The following FBXW11 variants were observed in gnomAD, a reference collection of about 807,000 sequenced individuals.
The protein encoded by FBXW11 is F-box and WD repeat domain containing 11.
A neutral mutation model predicts 77.6 loss-of-function variants in FBXW11; 19 were observed. The observed-to-expected ratio is 0.24, with a 90% CI of 0.17 to 0.36. The LOEUF is 0.36. Ranked by LOEUF, FBXW11 falls within the 10% of genes least tolerant of loss-of-function variation. The probability of loss-of-function intolerance (pLI) is 1.00; values close to 1 mark genes in which losing one functional copy is unlikely to be tolerated. For synonymous variants in FBXW11, 235 were observed against 249.4 expected (o/e 0.94, Z 0.54); for missense variants, 334 against 704.2 (o/e 0.47, Z 5.95).
intron 7 of FBXW11, among the ~76,000 whole-genome samples, chr5:171,886,586 A>G (rs1758901252): frequency 6.6e-6 from 1 of 151,640 alleles, no homozygotes; most frequent in East Asian, 1.9e-4. Flanking sequence ...AAATAAATAA[A>G]TAAATAAATA....
chr5:171,932,130 C>T (rs1177067225), intron 2 of FBXW11, among the ~76,000 whole-genome samples: 1 of 152,050 alleles, frequency 6.6e-6, no homozygotes, highest in African/African-American at 2.4e-5. Context: ...CTGCCTCAGC[C>T]TCCCAAAGTG....
chr5:171,960,625 A>C (rs1226677268), intron 1 of FBXW11, among the ~76,000 whole-genome samples: 2 of 152,234 alleles, frequency 1.3e-5, no homozygotes, highest in Admixed American at 6.5e-5. Context: ...AAAATCACAG[A>C]TTGTGAGAAC....
chr5:171,949,613 T>C (rs761306640), intron 2 of FBXW11, among the ~76,000 whole-genome samples: 5 of 152,106 alleles, frequency 3.3e-5, no homozygotes, highest in Non-Finnish European at 5.9e-5. Context: ...ATTTAATATA[T>C]AAAGAGTTCC....
chr5:171,972,755 G>C lies in FBXW11; in HGVS notation c.46-15057C>G, dbSNP rs866401591. 2.2e-4 allele frequency among the ~76,000 whole-genome samples: 33 copies of C among 152,124 alleles called. 1 individual carries two copies. In the East Asian group the frequency reaches 4.9e-3, roughly 22 times the overall value. ...AGATGGGGTTTCCCCATGTTGGCCA[G>C]GCTGGTCTTGAACTCCTGACCTCAG... On this transcript the variant is annotated intron_variant, in intron 1 of 13. Coordinates refer to ENST00000517395, the MANE Select transcript of FBXW11 (RefSeq NM_001378974.1).
rs114042850 is a variant in FBXW11 at position 172,000,391 on chromosome 5, T to C, written c.45+6067A>G. ...AAAATAGGACTGGGTGGGTTCTCTCTGTAGTTACAGCATAGATCTAATTAC... is the reference window on the plus strand; with the variant it reads ...AAAATAGGACTGGGTGGGTTCTCTCCGTAGTTACAGCATAGATCTAATTAC... On this transcript the variant is annotated intron_variant, in intron 1 of 13. Transcript: ENST00000517395. Among the ~76,000 whole-genome samples, 365 of 152,322 alleles carry C rather than the reference T, an allele frequency of 2.4e-3. 3 individuals are homozygous for C. The highest frequency in any genetic ancestry group is 8.4e-3 in the African/African-American group (348 of 41,572).
intron 1 of FBXW11, chr5:171,996,970 A>G (rs755731754): frequency 3.9e-6 from 5 of 1,289,816 alleles, no homozygotes; most frequent in South Asian, 3.7e-5. Flanking sequence ...GAGAAAAGAC[A>G]GCAGTCAAGC....
At chr5:171,884,093 T>C (rs1482773247) in intron 7 of FBXW11, among the ~76,000 whole-genome samples, 2 of 152,180 alleles carry the variant, frequency 1.3e-5, no homozygotes, top group Non-Finnish European at 2.9e-5. Context: ...TTTTGGTTCT[T>C]GGTTATGAAA....
chr5:171,967,829 G>T (rs1764279455), intron 1 of FBXW11, among the ~76,000 whole-genome samples: 1 of 137,108 alleles, frequency 7.3e-6, no homozygotes, highest in Non-Finnish European at 1.5e-5. Flanking sequence ...ACAAGAGCGA[G>T]ACTCTGTCTC....
At chr5:171,991,094 G>A (rs1765710178) in intron 1 of FBXW11, among the ~76,000 whole-genome samples, 1 of 152,122 alleles carries the variant, frequency 6.6e-6, no homozygotes, top group Non-Finnish European at 1.5e-5. Context: ...CCAAAGTGCT[G>A]GGATTAAAGG....
intron 1 of FBXW11, among the ~76,000 whole-genome samples, chr5:171,971,213 T>C (rs1357557589): frequency 5.9e-5 from 9 of 152,204 alleles, no homozygotes; most frequent in Non-Finnish European, 1.2e-4. Flanking sequence ...AGTTATGGCT[T>C]AACACCTGCA....
At chr5:171,955,228 A>G (rs1326082837) in intron 2 of FBXW11, among the ~76,000 whole-genome samples, 3 of 152,218 alleles carry the variant, frequency 2.0e-5, no homozygotes, top group Non-Finnish European at 4.4e-5. Context: ...GTAAACTAAA[A>G]TTCAGCCATA....
intron 4 of FBXW11, among the ~76,000 whole-genome samples, chr5:171,909,866 G>A (rs1240186557): frequency 6.6e-6 from 1 of 152,068 alleles, no homozygotes; most frequent in African/African-American, 2.4e-5. Context: ...TGCCACTTCA[G>A]ATACAAATGA....
intron 1 of FBXW11, among the ~76,000 whole-genome samples, chr5:172,002,167 G>A (rs1424664482): frequency 2.0e-5 from 3 of 152,182 alleles, no homozygotes; most frequent in African/African-American, 7.2e-5. Flanking sequence ...ACACTAGTAA[G>A]AGGCATATAT....
At chr5:171,900,141 T>G in intron 4 of FBXW11, 41 bp from the exon 5 acceptor site, 2 of 1,515,628 alleles carry the variant, frequency 1.3e-6, no homozygotes, top group South Asian at 1.2e-5. Flanking sequence ...GGAAGAGAGA[T>G]AGAAAGGTAC....
rs186401959 is a variant in FBXW11, at chr5:171,998,058, C to T, written c.45+8400G>A. On this transcript the variant is annotated intron_variant, in intron 1 of 13. Transcript: ENST00000517395. Reference sequence around the variant, plus strand: ...CCCACATCTACTAGGTAGTAGAGCCCATGCCCTTTTCATGGAGCACTATGG... The same window carrying T: ...CCCACATCTACTAGGTAGTAGAGCCTATGCCCTTTTCATGGAGCACTATGG... 2.4e-3 allele frequency among the ~76,000 whole-genome samples: 366 copies of T among 152,200 alleles called. 1 individual carries two copies. Among genetic ancestry groups the T allele is most frequent in the Non-Finnish European group, 4.2e-3 (287 of 68,014 alleles).
intron 3 of FBXW11, among the ~76,000 whole-genome samples, chr5:171,911,765 T>C (rs1172141503): frequency 1.3e-5 from 2 of 152,198 alleles, no homozygotes; most frequent in Non-Finnish European, 1.5e-5. Context: ...TCAGTACATA[T>C]TTTTTAAAAC....
chr5:171,878,212 TATAAA>T (rs1028964100), intron 7 of FBXW11, 83 bp from the exon 8 acceptor site: 1 of 970,266 alleles, frequency 1.0e-6, no homozygotes, highest in African/African-American at 1.6e-5. Flanking sequence ...ATGTTCTGAT[TATAAA>T]ATAAAACACA....
chr5:171,989,428 C>T (rs1451846916), intron 1 of FBXW11, among the ~76,000 whole-genome samples: 1 of 152,234 alleles, frequency 6.6e-6, no homozygotes, highest in East Asian at 1.9e-4. Flanking sequence ...TTAAGTGCCT[C>T]CTGATATGAC....
chr5:171,915,044 T>C (rs892601831), intron 2 of FBXW11, among the ~76,000 whole-genome samples: 2 of 152,238 alleles, frequency 1.3e-5, no homozygotes, highest in African/African-American at 2.4e-5. Context: ...GTAATTATTC[T>C]TTCTGGTGAT....
Sources: allele counts gnomAD v4.1 joint callset (sites outside exome capture counted in the v4.1 genomes callset), GRCh38; gene constraint gnomAD v4.1.1; transcripts MANE v1.5; gene names NCBI Gene and HGNC (gene_info 2026-07-23, HGNC 2026-07-21).